FBN3: variants seen among roughly 807,000 people sequenced by gnomAD.
The protein encoded by FBN3 is fibrillin-3.
In FBN3, 234 loss-of-function variants were observed where a neutral mutation model predicts 330.1. The ratio of observed to expected loss-of-function variants is 0.71; its 90% CI spans 0.64 to 0.79. The LOEUF (loss-of-function observed/expected upper bound fraction) is 0.79. FBN3 is among the 30% of genes least tolerant of loss of function. The pLI, the probability that FBN3 is intolerant of heterozygous loss-of-function variation, is 0.00. For missense variants in FBN3, 3,606 were observed against 3,886.9 expected (o/e 0.93, Z 1.92); for synonymous variants, 1,458 against 1,517.3 (o/e 0.96, Z 0.91).
intron 59 of FBN3, among the ~76,000 whole-genome samples, 163 bp from the exon 60 acceptor site, chr19:8,075,574 G>C (rs1011191795): frequency 1.3e-5 from 2 of 152,206 alleles, no homozygotes; most frequent in Admixed American, 6.5e-5. Context: ...TCCTGACTCA[G>C]AATAGGCACC....
At chr19:8,132,920 C>T (rs993194574) in intron 14 of FBN3, 64 bp downstream of exon 14, 5 of 1,478,384 alleles carry the variant, frequency 3.4e-6, no homozygotes, top group Admixed American at 2.1e-5. Flanking sequence ...TCCTCTTCCT[C>T]GCCGTCCCTC....
chr19:8,130,238 C>T (rs1403561522), intron 16 of FBN3, among the ~76,000 whole-genome samples: 1 of 149,462 alleles, frequency 6.7e-6, no homozygotes, highest in African/African-American at 2.5e-5. Context: ...CATGGCAGCT[C>T]GTGTCTGTAA....
At chr19:8,111,549 G>A in intron 32 of FBN3, 99 bp downstream of exon 32, 1 of 1,328,928 alleles carries the variant, frequency 7.5e-7, no homozygotes, top group Non-Finnish European at 1.0e-6. Context: ...GATTGAGTCA[G>A]AAGGAGTCAG....
At position 8,108,690 on chromosome 19, in the gene FBN3, C is replaced by T. The variant is rs564914932; in HGVS notation, c.4619-452G>A. ...GAGGCCTTTGCACATACTGTTCTCA[C>T]TGCATTGCACATCATTCCCCCTACT... On this transcript the variant is annotated intron_variant, in intron 36 of 63. Transcript: ENST00000600128. Among the ~76,000 whole-genome samples the T allele has an allele frequency of 2.6e-5, 4 of 152,198 alleles. No individual in the cohort carries two copies. In the South Asian group the frequency reaches 6.2e-4, roughly 24 times the overall value.
rs534385396 is a variant in FBN3 at position 8,142,076 on chromosome 19, C to T, written c.603G>A (p.Thr201=). The T allele has an allele frequency of 3.2e-5, 51 of 1,613,860 alleles. No individual in the cohort carries two copies. Among genetic ancestry groups the T allele is most frequent in the East Asian group, 6.7e-5 (3 of 44,856 alleles). Residue 201 remains threonine (T), a synonymous_variant, in exon 7 of 64, where the codon ACG becomes ACA. Coordinates refer to ENST00000600128, the MANE Select transcript of FBN3 (RefSeq NM_032447.5). ...VGPEGCQHQL[T]GLVCTKALCC... ...AAAGTGCCTTGGTGCACACGAGGCC[C>T]GTCAGCTGATGCTGGCACCCCTCGG... is the stretch of plus-strand genomic sequence containing the variant.
intron 59 of FBN3, among the ~76,000 whole-genome samples, chr19:8,078,191 T>G (rs2081687868): frequency 6.6e-6 from 1 of 152,204 alleles, no homozygotes; most frequent in South Asian, 2.1e-4. Context: ...TGCTCTTCTA[T>G]TAACAGTTTA....
rs767726053 is a variant in FBN3, at chr19:8,123,763, T to C, written c.2956+21A>G. ...GCCCCTCCCCATCCTTCCAGGGGCC[T>C]GACCCCTTCCCCAACCGCACCTTTA... is the stretch of plus-strand genomic sequence containing the variant. On this transcript the variant is annotated intron_variant, in intron 23 of 63. Coordinates refer to ENST00000600128, the MANE Select transcript of FBN3 (RefSeq NM_032447.5). 5 of 1,611,546 alleles carry C rather than the reference T, an allele frequency of 3.1e-6. No individual in the cohort carries two copies. The Admixed American group carries it at 5.0e-5, about 16-fold the overall frequency.
intron 22 of FBN3, 97 bp downstream of exon 22, chr19:8,125,795 A>C: frequency 1.5e-6 from 2 of 1,324,504 alleles, no homozygotes; most frequent in South Asian, 3.4e-5. Flanking sequence ...CATCTCAAAA[A>C]AAAAAAAAAA....
chr19:8,147,241 C>T (rs560829951), intron 2 of FBN3, 55 bp from the exon 3 acceptor site: 42 of 1,557,682 alleles, frequency 2.7e-5, no homozygotes, highest in Non-Finnish European at 3.4e-5. Flanking sequence ...GACATCCCCC[C>T]GGGTATTCCG....
rs1410067868 is a variant in FBN3 at position 8,096,035 on chromosome 19, T to G, written c.5585A>C (p.Lys1862Thr). ...DRQPCGNGTCKNIIGSYNCLC... is the reference protein window; with the variant it reads ...DRQPCGNGTCTNIIGSYNCLC... ...GCAGTTGTAGGAGCCAATGATGTTC[T>G]TGCAGGTCCCATTTCCACAAGGCTG... Residue 1862 changes from lysine (K) to threonine (T), a missense_variant, in exon 45 of 64, where the codon AAG becomes ACG. Physicochemically the swap from Lys to Thr is moderately conservative, Grantham distance 78. Coordinates refer to ENST00000600128, the MANE Select transcript of FBN3 (RefSeq NM_032447.5). The surrounding 1 kb of genome is among the most constrained non-coding windows in gnomAD (Gnocchi z 4.6). 2.5e-6 allele frequency: 4 copies of G among 1,613,990 alleles called. No homozygotes were observed. Among genetic ancestry groups the G allele is most frequent in the Non-Finnish European group, 3.4e-6 (4 of 1,179,988 alleles).
In FBN3 at chr19:8,131,692, T is replaced by C. The variant is rs1045273298; in HGVS notation, c.1852A>G (p.Ser618Gly). Reference sequence around the variant, plus strand: ...TTCTCGATGGCCCCATAGCAGGTGCTGCGCACGTGGGTGTCCACGCACACG... The same window carrying C: ...TTCTCGATGGCCCCATAGCAGGTGCCGCGCACGTGGGTGTCCACGCACACG... ...GRVCVDTHVR[S>G]TCYGAIEKGS... The change falls in exon 15 of 64, where the codon AGC (serine) becomes GGC (glycine). Residue 618 changes from serine (S) to glycine (G), a missense_variant. By Grantham distance (56) the Ser-to-Gly change is moderately conservative. Transcript: ENST00000600128. This position sits in a 1 kb window ranked among gnomAD's most constrained non-coding sequence, Gnocchi z 4.5. 3 of 1,614,034 alleles carry C rather than the reference T, an allele frequency of 1.9e-6. No individual in the cohort carries two copies. In the African/African-American group the frequency reaches 4.0e-5, roughly 22 times the overall value.
At chr19:8,106,292 G>A in intron 37 of FBN3, 59 bp from the exon 38 acceptor site, 1 of 1,596,550 alleles carries the variant, frequency 6.3e-7, no homozygotes, top group Admixed American at 1.7e-5. Context: ...GACTTAAGGG[G>A]CACCCACACC....
intron 40 of FBN3, among the ~76,000 whole-genome samples, chr19:8,102,164 C>T (rs1301767126): frequency 6.6e-6 from 1 of 152,154 alleles, no homozygotes; most frequent in Non-Finnish European, 1.5e-5. Context: ...ATTGTGAGGC[C>T]TTCCCAGTTA....
At chr19:8,094,767 G>A (rs997070001) in intron 46 of FBN3, among the ~76,000 whole-genome samples, 4 of 152,156 alleles carry the variant, frequency 2.6e-5, no homozygotes, top group Non-Finnish European at 4.4e-5. Flanking sequence ...CTCTCGTGGG[G>A]TTATAGGTGG....
At chr19:8,133,734 G>C (rs977653660) in intron 13 of FBN3, among the ~76,000 whole-genome samples, 1 of 151,956 alleles carries the variant, frequency 6.6e-6, no homozygotes, top group Non-Finnish European at 1.5e-5. Flanking sequence ...TTACAGGCGT[G>C]AGCCACCGCG....
At chr19:8,128,767 G>A (rs898282215) in intron 18 of FBN3, among the ~76,000 whole-genome samples, 3 of 152,180 alleles carry the variant, frequency 2.0e-5, no homozygotes, top group Non-Finnish European at 2.9e-5. Context: ...CACATGCAAC[G>A]TGCATGTCTG....
In FBN3 at chr19:8,096,955, C is replaced by T; in HGVS notation, c.5339G>A (p.Cys1780Tyr). The T allele has an allele frequency of 6.2e-7, 1 of 1,613,772 alleles. No homozygotes were observed. Among genetic ancestry groups the T allele is most frequent in the Non-Finnish European group, 8.5e-7 (1 of 1,179,990 alleles). The change falls in exon 43 of 64, where the codon TGC (cysteine) becomes TAC (tyrosine). Residue 1780 changes from cysteine to tyrosine, a missense_variant. By Grantham distance (194) the Cys-to-Tyr change is radical. Coordinates refer to ENST00000600128, the MANE Select transcript of FBN3 (RefSeq NM_032447.5). This position sits in a 1 kb window ranked among gnomAD's most constrained non-coding sequence, Gnocchi z 4.6. The stretch of plus-strand genomic sequence containing the variant: ...GCGGTAGCTACCGGGGATGTTGATG[C>T]AGTCAGCATTCTGCTGGCAGGGACT... The part of the protein sequence containing the change: ...RESPCQQNAD[C>Y]INIPGSYRCK...
chr19:8,138,884 TA>T (rs2083349449), intron 8 of FBN3, among the ~76,000 whole-genome samples: 1 of 151,742 alleles, frequency 6.6e-6, no homozygotes, highest in Non-Finnish European at 1.5e-5. Context: ...TCATGTCTAC[TA>T]AAAATACAAA....
intron 10 of FBN3, among the ~76,000 whole-genome samples, 179 bp from the exon 11 acceptor site, chr19:8,136,710 T>TCTAGATCCCTCCAACCTGGGAC: frequency 1.3e-5 from 2 of 151,832 alleles, no homozygotes; most frequent in Non-Finnish European, 2.9e-5. Context: ...CAACCTGGGA[T>TCTAGATCCCTCCAACCTGGGAC]CTAGATCCCT....
Sources: allele counts gnomAD v4.1 joint callset (sites outside exome capture counted in the v4.1 genomes callset), GRCh38; gene constraint gnomAD v4.1.1; non-coding constraint Gnocchi (gnomAD v3.1); transcripts MANE v1.5; gene names NCBI Gene and HGNC (gene_info 2026-07-23, HGNC 2026-07-21).